The following CCNJL variants were observed in gnomAD, a reference collection of about 807,000 sequenced individuals.
The protein encoded by CCNJL is cyclin-J-like protein.
A neutral mutation model predicts 33.4 loss-of-function variants in CCNJL; 33 were observed. The observed-to-expected ratio is 0.99, with a 90% CI of 0.75 to 1.32. The LOEUF is 1.32. Among genes scored for constraint, CCNJL ranks in the 40% most tolerant of loss-of-function variants. The pLI is 0.00. For missense variants in CCNJL, 512 were observed against 499.7 expected, an observed-to-expected ratio of 1.02 and a Z score of -0.23; for synonymous variants, 227 against 220.9, an observed-to-expected ratio of 1.03 and a Z score of -0.24.
rs1013125021 is a variant in CCNJL, at chr5:160,333,124, A to ATTTTTTTT, written n.206+6313_206+6320dup. On this transcript the variant is annotated intron_variant and non_coding_transcript_variant, in intron 1 of 7. Transcript: ENST00000377503. ...ACATATGACTACCCAGTCTCTACAA[A>ATTTTTTTT]TTTTTTTTTTTTTTTTGAGATGGAG... is the stretch of plus-strand genomic sequence containing the variant. Among the ~76,000 whole-genome samples, 606 of 143,336 alleles carry ATTTTTTTT rather than the reference A, an allele frequency of 4.2e-3. 8 individuals are homozygous for ATTTTTTTT. The highest frequency in any genetic ancestry group is 0.014 in the African/African-American group (550 of 39,030). 94.0% of individuals were successfully genotyped at this position (143,336 alleles called of 152,430 possible).
Position 160,311,396 on chromosome 5 carries a change from C to T in CCNJL, c.66+462G>A, listed in dbSNP as rs574724462. 3.0e-4 allele frequency among the ~76,000 whole-genome samples: 45 copies of T among 152,196 alleles called. No homozygotes were observed. The South Asian group carries it at 9.3e-3, about 32-fold the overall frequency. On this transcript the variant is annotated intron_variant, in intron 2 of 5. Coordinates refer to ENST00000257536, the MANE Select transcript of CCNJL (RefSeq NM_001308173.3). ...TACCACTTATCTTTATATAGAGTTA[C>T]TACTTTTACTTAAATTTGTTTTAAA...
At chr5:160,279,546 A>G (rs1762135829) in intron 3 of CCNJL, among the ~76,000 whole-genome samples, 1 of 152,168 alleles carries the variant, frequency 6.6e-6, no homozygotes, top group Non-Finnish European at 1.5e-5. Flanking sequence ...TGTTCATTCA[A>G]AGCACATGAC....
intron 3 of CCNJL, among the ~76,000 whole-genome samples, chr5:160,274,135 C>A (rs1320859102): frequency 6.6e-6 from 1 of 152,002 alleles, no homozygotes; most frequent in Non-Finnish European, 1.5e-5. Flanking sequence ...TCTCACTTTA[C>A]AAGTGAGTAT....
At chr5:160,280,431 G>A (rs1762166514) in intron 3 of CCNJL, 94 bp downstream of exon 3, 2 of 1,012,940 alleles carry the variant, frequency 2.0e-6, no homozygotes, top group South Asian at 1.4e-5. Context: ...GACGTGCAAA[G>A]ATCGTCAAAA....
At chr5:160,301,966 G>A (rs1663134651) in intron 2 of CCNJL, among the ~76,000 whole-genome samples, 1 of 152,094 alleles carries the variant, frequency 6.6e-6, no homozygotes, top group Admixed American at 6.6e-5. Flanking sequence ...CTGGCCTCAT[G>A]TGATCCACCC....
chr5:160,281,690 A>T (rs548622039), intron 2 of CCNJL, among the ~76,000 whole-genome samples: 2 of 152,256 alleles, frequency 1.3e-5, no homozygotes, highest in African/African-American at 4.8e-5. Flanking sequence ...TCCCCCTCTT[A>T]CCCAGGCTGG....
intron 3 of CCNJL, among the ~76,000 whole-genome samples, chr5:160,277,075 G>A (rs1762038869): frequency 6.6e-6 from 1 of 152,090 alleles, no homozygotes; most frequent in South Asian, 2.1e-4. Flanking sequence ...TTACAGGTGT[G>A]AGCCACCGTG....
intron 2 of CCNJL, among the ~76,000 whole-genome samples, chr5:160,301,437 C>CTTT (rs745427095): frequency 6.9e-6 from 1 of 144,488 alleles, no homozygotes; most frequent in Non-Finnish European, 1.5e-5. Context: ...TGGCCTATGT[C>CTTT]TTTTTTTTTT....
At chr5:160,258,684 A>G in intron 4 of CCNJL, 1 of 798,494 alleles carries the variant, frequency 1.3e-6, no homozygotes, top group Non-Finnish European at 2.2e-6. Context: ...TTTACTTTAA[A>G]TAAATATCTA....
intron 2 of CCNJL, among the ~76,000 whole-genome samples, chr5:160,296,668 T>C (rs536924941): frequency 1.3e-5 from 2 of 152,292 alleles, no homozygotes; most frequent in South Asian, 2.1e-4. Flanking sequence ...TCTAAGCCAG[T>C]GTTCCTGGTG....
intron 1 of CCNJL, among the ~76,000 whole-genome samples, chr5:160,318,996 A>C (rs1763409600): frequency 6.6e-6 from 1 of 152,252 alleles, no homozygotes; most frequent in Admixed American, 6.5e-5. Flanking sequence ...ACTCACAACA[A>C]GTTGAGAGAG....
Position 160,252,575 on chromosome 5 carries a change from G to T in CCNJL, c.*803C>A, listed in dbSNP as rs1483881971. On this transcript the variant is annotated 3_prime_UTR_variant, in exon 6 of 6. Coordinates refer to ENST00000257536, the MANE Select transcript of CCNJL (RefSeq NM_001308173.3). ...TCTCCAACCATATGCCTTCAAAAAG[G>T]AAGCTCTGTGGTTACCTGCGGGTCC... is the stretch of plus-strand genomic sequence containing the variant. The T allele has an allele frequency of 6.6e-6, 1 of 152,612 alleles. No individual in the cohort carries two copies. The highest frequency in any genetic ancestry group is 2.4e-5 in the African/African-American group (1 of 41,450). 9.5% of individuals were successfully genotyped at this position (152,612 alleles called of 1,614,324 possible).
upstream of CCNJL, among the ~76,000 whole-genome samples, chr5:160,317,896 G>A (rs1763396938): frequency 6.6e-6 from 1 of 152,186 alleles, no homozygotes; most frequent in African/African-American, 2.4e-5. Flanking sequence ...GGGGTGGCCA[G>A]GTATTACAAC....
intron 3 of CCNJL, among the ~76,000 whole-genome samples, chr5:160,263,920 A>G (rs941735368): frequency 6.6e-6 from 1 of 151,466 alleles, no homozygotes; most frequent in Non-Finnish European, 1.5e-5. Flanking sequence ...CCTAAATTGG[A>G]ACAGCAGGAG....
chr5:160,299,707 G>C (rs1762864948), intron 2 of CCNJL, among the ~76,000 whole-genome samples: 1 of 151,876 alleles, frequency 6.6e-6, no homozygotes, highest in Admixed American at 6.6e-5. Context: ...AAGCTGGGTG[G>C]TGGGTATGTG....
intron 1 of CCNJL, among the ~76,000 whole-genome samples, chr5:160,322,176 C>T (rs1371259951): frequency 1.3e-5 from 2 of 152,170 alleles, no homozygotes; most frequent in African/African-American, 4.8e-5. Context: ...CAGGTTTTAC[C>T]TCTGAACACC....
At chr5:160,270,956 GA>G (rs1761813251) in intron 3 of CCNJL, among the ~76,000 whole-genome samples, 1 of 152,122 alleles carries the variant, frequency 6.6e-6, no homozygotes, top group South Asian at 2.1e-4. Flanking sequence ...GACTTTCCTA[GA>G]AAAGTCCCAG....
intron 4 of CCNJL, among the ~76,000 whole-genome samples, chr5:160,256,353 C>T (rs1401744714): frequency 6.6e-6 from 1 of 152,242 alleles, no homozygotes; most frequent in African/African-American, 2.4e-5. Flanking sequence ...CAAAGGCTTC[C>T]GTTTTGGGGT....
intron 4 of CCNJL, among the ~76,000 whole-genome samples, chr5:160,256,547 T>G (rs777888115): frequency 3.9e-5 from 6 of 152,266 alleles, no homozygotes; most frequent in Non-Finnish European, 8.8e-5. Flanking sequence ...GTGCTAAATA[T>G]GTGCAAACAG....
Sources: allele counts gnomAD v4.1 joint callset (sites outside exome capture counted in the v4.1 genomes callset), GRCh38; gene constraint gnomAD v4.1.1; transcripts MANE v1.5; gene names NCBI Gene and HGNC (gene_info 2026-07-23, HGNC 2026-07-21).